Variants in TRPM3 observed in about 807,000 individuals in gnomAD.
TRPM3 encodes transient receptor potential cation channel subfamily M member 3.
TRPM3 carries 77 observed loss-of-function variants against 181.2 expected under a neutral mutation model. The ratio of observed to expected loss-of-function variants is 0.42; its 90% confidence interval spans 0.35 to 0.51. TRPM3 has a LOEUF of 0.51. Among genes scored for constraint, TRPM3 ranks in the 20% least tolerant of loss-of-function variants. TRPM3 has a pLI of 0.01. For missense variants in TRPM3, 1,759 were observed against 2,196.7 expected (o/e 0.80, Z 3.98); for synonymous variants, 745 against 796.4 (o/e 0.94, Z 1.09).
At chr9:71,177,621 T>C (rs1565307885) in intron 1 of TRPM3, among the ~76,000 whole-genome samples, 1 of 55,652 alleles carries the variant, frequency 1.8e-5, no homozygotes, top group Non-Finnish European at 4.2e-5. Context: ...GAGTCATTCA[T>C]GTATTAGGAA....
intron 7 of TRPM3, among the ~76,000 whole-genome samples, chr9:70,782,051 T>C (rs1427696716): frequency 6.6e-6 from 1 of 152,168 alleles, no homozygotes; most frequent in Non-Finnish European, 1.5e-5. Flanking sequence ...AATGCAAATT[T>C]GTATCTACTT....
chr9:71,191,838 G>T (rs1279888085), intron 1 of TRPM3, among the ~76,000 whole-genome samples: 1 of 149,154 alleles, frequency 6.7e-6, no homozygotes. Flanking sequence ...ACTGAAGTGT[G>T]ACTTTCAGCC....
intron 1 of TRPM3, among the ~76,000 whole-genome samples, chr9:71,401,856 A>G (rs573529104): frequency 6.6e-6 from 1 of 152,218 alleles, no homozygotes; most frequent in African/African-American, 2.4e-5. Context: ...CGGACTACTC[A>G]ATAATTTATC....
chr9:70,548,265 G>T (rs1410993550), intron 25 of TRPM3, among the ~76,000 whole-genome samples: 3 of 152,144 alleles, frequency 2.0e-5, no homozygotes, highest in Non-Finnish European at 4.4e-5. Flanking sequence ...ATTGCTTTAC[G>T]TTATATCATC....
chr9:71,158,337 G>A (rs17056372), intron 1 of TRPM3, among the ~76,000 whole-genome samples: 34,973 of 151,918 alleles, frequency 0.23, 4,686 homozygotes, highest in African/African-American at 0.37. Flanking sequence ...ACAAAGCTGT[G>A]ATTTGAGTAC....
rs541538300 is a variant in TRPM3, at chr9:70,911,124, A to G, written c.178-46613T>C. On this transcript the variant is annotated intron_variant, in intron 1 of 25. Coordinates refer to ENST00000677713, the MANE Select transcript of TRPM3 (RefSeq NM_001366145.2). The stretch of plus-strand genomic sequence containing the variant: ...GACTTTTCACAAAAGAAAATCTTCA[A>G]GAAGAAATATCTTAATAACATGCAG... Among the ~76,000 whole-genome samples, 17 of 152,372 alleles carry G rather than the reference A, an allele frequency of 1.1e-4. No individual in the cohort carries two copies. The Middle Eastern group carries it at 0.014, about 122-fold the overall frequency.
intron 1 of TRPM3, among the ~76,000 whole-genome samples, chr9:71,222,660 A>C (rs1156419389): frequency 6.6e-6 from 1 of 152,214 alleles, no homozygotes; most frequent in Non-Finnish European, 1.5e-5. Flanking sequence ...GGGACTGAAG[A>C]GGGTGGATAA....
intron 6 of TRPM3, among the ~76,000 whole-genome samples, chr9:70,801,843 G>T (rs2089187078): frequency 1.3e-5 from 2 of 152,160 alleles, no homozygotes; most frequent in East Asian, 1.9e-4. Context: ...TTTAAGGACT[G>T]CTCTTAAAAC....
intron 6 of TRPM3, among the ~76,000 whole-genome samples, chr9:70,787,763 C>CTTTTTTTTTTTTTTTTTTTTTTGTTTTTT (rs2084089646): frequency 2.9e-5 from 2 of 68,558 alleles, no homozygotes; most frequent in Admixed American, 1.8e-4. Flanking sequence ...TTTTTGGATT[C>CTTTTTTTTTTTTTTTTTTTTTTGTTTTTT]TTTTTTTTTT....
At chr9:71,071,421 T>G (rs1390355907) in intron 1 of TRPM3, among the ~76,000 whole-genome samples, 1 of 152,190 alleles carries the variant, frequency 6.6e-6, no homozygotes, top group African/African-American at 2.4e-5. Context: ...GAAATGAGCT[T>G]AGCTGTGGGT....
chr9:70,855,488 A>C (rs1352737123), intron 3 of TRPM3, among the ~76,000 whole-genome samples: 1 of 152,206 alleles, frequency 6.6e-6, no homozygotes, highest in Non-Finnish European at 1.5e-5. Flanking sequence ...CTCTCTCGGA[A>C]ATATTAAATG....
chr9:71,139,966 C>T (rs1457308672), intron 1 of TRPM3, among the ~76,000 whole-genome samples: 3 of 152,142 alleles, frequency 2.0e-5, no homozygotes, highest in East Asian at 3.9e-4. Flanking sequence ...TCTTGCAGCC[C>T]TCGCTATGCT....
At chr9:71,262,098 G>A (rs181507195) in intron 1 of TRPM3, among the ~76,000 whole-genome samples, 20 of 152,268 alleles carry the variant, frequency 1.3e-4, no homozygotes, top group South Asian at 4.1e-4. Flanking sequence ...CTGAAGCTGC[G>A]CCCACAGCTG....
intron 9 of TRPM3, among the ~76,000 whole-genome samples, chr9:70,644,786 C>T (rs1589720571): frequency 1.3e-5 from 2 of 152,302 alleles, no homozygotes; most frequent in East Asian, 3.9e-4. Flanking sequence ...TTGCAGATGA[C>T]ATGATTTTAT....
intron 8 of TRPM3, among the ~76,000 whole-genome samples, chr9:70,755,013 G>A (rs17055748): frequency 0.055 from 8,419 of 152,116 alleles, 261 homozygotes; most frequent in South Asian, 0.11. Flanking sequence ...ATCTGGTACC[G>A]TCCATGTACA....
At chr9:71,304,927 C>T (rs1212988369) in intron 1 of TRPM3, among the ~76,000 whole-genome samples, 1 of 152,154 alleles carries the variant, frequency 6.6e-6, no homozygotes, top group Admixed American at 6.6e-5. Flanking sequence ...ACCATCATCA[C>T]CACAAGAAAA....
chr9:70,683,386 C>T (rs942478449), intron 8 of TRPM3, among the ~76,000 whole-genome samples: 1 of 148,392 alleles, frequency 6.7e-6, no homozygotes, highest in African/African-American at 2.5e-5. Context: ...TGCCCAGCTT[C>T]CTTCCTTCCT....
intron 22 of TRPM3, among the ~76,000 whole-genome samples, chr9:70,574,090 G>A (rs932584167): frequency 3.0e-4 from 43 of 143,352 alleles, no homozygotes; most frequent in East Asian, 4.0e-4. Flanking sequence ...ACACACGCGC[G>A]CGCACACACA....
chr9:71,243,523 A>G (rs2081847302), intron 1 of TRPM3, among the ~76,000 whole-genome samples: 1 of 152,176 alleles, frequency 6.6e-6, no homozygotes, highest in African/African-American at 2.4e-5. Context: ...TTAAGTCTTT[A>G]CTGTCTGTCT....
Sources: allele counts gnomAD v4.1 joint callset (sites outside exome capture counted in the v4.1 genomes callset), GRCh38; gene constraint gnomAD v4.1.1; transcripts MANE v1.5; gene names NCBI Gene and HGNC (gene_info 2026-07-23, HGNC 2026-07-21).